MS4A14: variants seen among roughly 807,000 people sequenced by gnomAD.
The protein encoded by MS4A14 is membrane-spanning 4-domains subfamily A member 14.
Under a neutral mutation model 16.7 loss-of-function variants are expected in MS4A14, and 18 were observed. The ratio of observed to expected loss-of-function variants is 1.08; its 90% CI spans 0.75 to 1.60. The LOEUF is 1.60. Ranked by LOEUF, MS4A14 falls within the 40% of genes most tolerant of loss-of-function variation. MS4A14 has a pLI of 0.00. For missense variants in MS4A14, 812 were observed against 775.3 expected, an observed-to-expected ratio of 1.05 and a Z score of -0.56; for synonymous variants, 305 against 289.4, an observed-to-expected ratio of 1.05 and a Z score of -0.55.
Position 60,396,614 on chromosome 11 carries a change from C to T in MS4A14, c.36C>T (p.His12=), listed in dbSNP as rs200092161. The T allele has an allele frequency of 1.5e-4, 237 of 1,613,868 alleles. No individual in the cohort carries two copies. The highest frequency in any genetic ancestry group is 2.0e-4 in the Non-Finnish European group (231 of 1,179,924). The change falls in exon 1 of 5, where the codon CAC becomes CAT. Residue 12 remains histidine (H), a synonymous_variant. Coordinates refer to ENST00000300187, the MANE Select transcript of MS4A14 (RefSeq NM_032597.5). ...CATCCCAGGACAGAAGGGCAACTCA[C>T]GTCATCACTATAAAACCAAACGAAA... The part of the protein sequence containing the change: ...ESTSQDRRAT[H]VITIKPNETV...
intron 4 of MS4A14, among the ~76,000 whole-genome samples, chr11:60,405,487 A>G (rs2085773908): frequency 6.6e-6 from 1 of 152,206 alleles, no homozygotes; most frequent in Non-Finnish European, 1.5e-5. Context: ...TTAAAGCAAA[A>G]TGGGCAAAAT....
rs1440504853 is a variant in MS4A14 at position 60,407,213 on chromosome 11, GT to G, written c.468+4156del. Among the ~76,000 whole-genome samples the G allele has an allele frequency of 2.0e-5, 3 of 151,702 alleles. No individual in the cohort carries two copies. The East Asian group carries it at 5.8e-4, about 29-fold the overall frequency. ...TTTGTATTTTTTTTGTAGAAATAGG[GT>G]TTTGCCACGTTGCCCAGGCTGCTCT... On this transcript the variant is annotated intron_variant, in intron 4 of 4. Transcript: ENST00000300187.
At chr11:60,404,704 T>G (rs554259855) in intron 4 of MS4A14, 5 of 418,144 alleles carry the variant, frequency 1.2e-5, no homozygotes, top group Non-Finnish European at 2.4e-5. Flanking sequence ...TACTTAAATC[T>G]CAACTGAAAT....
At chr11:60,411,845 G>A (rs2085874301) in intron 4 of MS4A14, among the ~76,000 whole-genome samples, 1 of 152,114 alleles carries the variant, frequency 6.6e-6, no homozygotes, top group African/African-American at 2.4e-5. Context: ...TATAGTTCCT[G>A]ATCTTAGGGG....
intron 4 of MS4A14, among the ~76,000 whole-genome samples, chr11:60,413,395 T>C (rs2085895415): frequency 2.0e-5 from 3 of 151,988 alleles, no homozygotes; most frequent in Admixed American, 2.0e-4. Context: ...TTCCTTGTTC[T>C]TGATCTTAGG....
chr11:60,414,092 T>C (rs938108388), intron 4 of MS4A14, among the ~76,000 whole-genome samples: 1 of 152,140 alleles, frequency 6.6e-6, no homozygotes, highest in African/African-American at 2.4e-5. Flanking sequence ...TAGCATCTGG[T>C]AATCACTGAG....
In MS4A14 at chr11:60,406,389, A is replaced by G. The variant is rs182415694; in HGVS notation, c.468+3328A>G. On this transcript the variant is annotated intron_variant, in intron 4 of 4. Coordinates refer to ENST00000300187, the MANE Select transcript of MS4A14 (RefSeq NM_032597.5). The stretch of plus-strand genomic sequence containing the variant: ...AAAAAAAGCTGTTACTACTGATACT[A>G]CATAGTATTTATAATAATTGTTATA... Among the ~76,000 whole-genome samples the G allele has an allele frequency of 2.3e-3, 344 of 152,364 alleles. 10 individuals are homozygous for G. The highest frequency in any genetic ancestry group is 0.022 in the Admixed American group (342 of 15,300).
In MS4A14 at chr11:60,406,011, T is replaced by C. The variant is rs1336338834; in HGVS notation, c.468+2950T>C. 4 of 1,341,112 alleles carry C rather than the reference T, an allele frequency of 3.0e-6. No individual in the cohort carries two copies. The African/African-American group carries it at 6.0e-5, about 20-fold the overall frequency. 83.1% of individuals were successfully genotyped at this position (1,341,112 alleles called of 1,614,324 possible). On this transcript the variant is annotated intron_variant, in intron 4 of 4. Transcript: ENST00000300187. ...AGGTGTGTTCTGATGTCTCTTAATATTATTAAGAGAACAGGTTCCTGTTCC... is the reference window on the plus strand; with the variant it reads ...AGGTGTGTTCTGATGTCTCTTAATACTATTAAGAGAACAGGTTCCTGTTCC...
chr11:60,417,243 A>G lies in MS4A14; in HGVS notation c.*235A>G, dbSNP rs1011314146. The G allele has an allele frequency of 9.3e-6, 4 of 428,494 alleles. No homozygotes were observed. Among genetic ancestry groups the G allele is most frequent in the African/African-American group, 8.1e-5 (4 of 49,480 alleles). 26.5% of individuals were successfully genotyped at this position (428,494 alleles called of 1,614,324 possible). A position where few individuals can be genotyped will look rare whatever the true frequency, so the allele number is the denominator to read the frequency against. ...CAAAAAGGAGATATGTACACTAGAG[A>G]CATCAAACCAGGGGACATGAAATGT... On this transcript the variant is annotated 3_prime_UTR_variant, in exon 5 of 5. Coordinates refer to ENST00000300187, the MANE Select transcript of MS4A14 (RefSeq NM_032597.5).
In MS4A14 at chr11:60,414,556, C is replaced by T. The variant is rs2085911394; in HGVS notation, c.469-881C>T. On this transcript the variant is annotated intron_variant, in intron 4 of 4. Transcript: ENST00000300187. ...CAGCAGGTTGTGCTGCAGTAACAAC[C>T]TCCTAAAAATTATAATAATAAAATG... is the stretch of plus-strand genomic sequence containing the variant. 3.3e-5 allele frequency among the ~76,000 whole-genome samples: 5 copies of T among 152,138 alleles called. No homozygotes were observed. In the South Asian group the frequency reaches 8.3e-4, roughly 25 times the overall value.
chr11:60,398,526 T>C (rs954232449), intron 2 of MS4A14, among the ~76,000 whole-genome samples: 5 of 152,190 alleles, frequency 3.3e-5, no homozygotes, highest in African/African-American at 9.7e-5. Context: ...TTTTGTGCCA[T>C]AATATTTAAG....
chr11:60,397,286 TG>T (rs2085640347), intron 1 of MS4A14, among the ~76,000 whole-genome samples: 1 of 152,154 alleles, frequency 6.6e-6, no homozygotes, highest in African/African-American at 2.4e-5. Flanking sequence ...ATAGGCCCAC[TG>T]GGCTATTCTC....
intron 4 of MS4A14, among the ~76,000 whole-genome samples, chr11:60,414,031 A>G (rs986981450): frequency 6.6e-6 from 1 of 152,134 alleles, no homozygotes; most frequent in African/African-American, 2.4e-5. Flanking sequence ...GAAGGATAAT[A>G]ACTTCATAGG....
intron 4 of MS4A14, 36 bp from the exon 5 acceptor site, chr11:60,415,401 C>T: frequency 6.5e-7 from 1 of 1,533,708 alleles, no homozygotes; most frequent in Non-Finnish European, 8.7e-7. Flanking sequence ...AGACATGATT[C>T]TGTCATATTA....
intron 4 of MS4A14, among the ~76,000 whole-genome samples, chr11:60,414,137 G>A (rs2085904449): frequency 6.6e-6 from 1 of 152,052 alleles, no homozygotes; most frequent in Admixed American, 6.6e-5. Flanking sequence ...TAAAATCATA[G>A]CACTTAAGAG....
Position 60,415,684 on chromosome 11 carries a change from C to T in MS4A14, c.716C>T (p.Pro239Leu), listed in dbSNP as rs765149417. The change falls in exon 5 of 5, where the codon CCA becomes CTA. Residue 239 changes from proline (P) to leucine (L), a missense_variant. Physicochemically the swap from Pro to Leu is moderately conservative, Grantham distance 98 (BLOSUM62 -3). Coordinates refer to ENST00000300187, the MANE Select transcript of MS4A14 (RefSeq NM_032597.5). The part of the protein sequence containing the change: ...VPDEQKQSIL[P>L]SPKFSEEEIE... The stretch of plus-strand genomic sequence containing the variant: ...GATGAACAAAAGCAAAGTATCCTTC[C>T]ATCTCCCAAATTTTCAGAGGAAGAA... 8 of 1,613,770 alleles carry T rather than the reference C, an allele frequency of 5.0e-6. No homozygotes were observed. The Admixed American group carries it at 1.3e-4, about 27-fold the overall frequency.
At chr11:60,411,793 TAGTACAA>T (rs2085873866) in intron 4 of MS4A14, among the ~76,000 whole-genome samples, 1 of 152,188 alleles carries the variant, frequency 6.6e-6, no homozygotes, top group African/African-American at 2.4e-5. Context: ...CTAGAACTTT[TAGTACAA>T]TATTTAATAG....
rs2085963207 is a variant in MS4A14, at chr11:60,417,351, A to G, written c.*343A>G. 5.6e-6 allele frequency: 1 copy of G among 179,766 alleles called. No homozygotes were observed. The highest frequency in any genetic ancestry group is 5.6e-5 in the Admixed American group (1 of 18,000). 11.1% of individuals were successfully genotyped at this position (179,766 alleles called of 1,614,324 possible). A position where few individuals can be genotyped will look rare whatever the true frequency, so the allele number is the denominator to read the frequency against. On this transcript the variant is annotated 3_prime_UTR_variant, in exon 5 of 5. Transcript: ENST00000300187. ...TCTTCTGGCCAAAGCTCAGTACAAG[A>G]CACATGTTTAGCCTATTTGTCCAAT...
chr11:60,399,470 T>C (rs2085678444), intron 2 of MS4A14, among the ~76,000 whole-genome samples: 1 of 152,154 alleles, frequency 6.6e-6, no homozygotes, highest in Admixed American at 6.5e-5. Context: ...CCAACCCCTA[T>C]AGTCATGTTA....
Sources: gnomAD v4.1 joint callset for allele counts (sites outside exome capture counted in the v4.1 genomes callset) on GRCh38, gnomAD v4.1.1 for gene constraint, MANE v1.5 for transcripts, NCBI Gene and HGNC (gene_info 2026-07-23, HGNC 2026-07-21) for gene names.